Variants in ZFHX3 observed in about 807,000 individuals in gnomAD.
ZFHX3 encodes zinc finger homeobox protein 3.
ZFHX3 carries 42 observed loss-of-function variants against 279.1 expected under a neutral mutation model. That is an observed-to-expected ratio of 0.15 (90% confidence interval 0.12 to 0.19). The LOEUF (loss-of-function observed/expected upper bound fraction) is 0.19. Ranked by LOEUF, ZFHX3 falls within the 10% of genes least tolerant of loss-of-function variation. The pLI is 1.00. For missense variants in ZFHX3, 4,981 were observed against 4,754.0 expected, an observed-to-expected ratio of 1.05 and a Z score of -1.40; for synonymous variants, 2,293 against 1,957.8, an observed-to-expected ratio of 1.17 and a Z score of -4.52.
chr16:73,280,025 C>T (rs1204506075), intron 4 of ZFHX3, among the ~76,000 whole-genome samples: 1 of 152,142 alleles, frequency 6.6e-6, no homozygotes, highest in African/African-American at 2.4e-5. Flanking sequence ...AGGAAAATGA[C>T]AGTCTCTTCA....
At chr16:73,378,829 T>A (rs1382336436) in intron 3 of ZFHX3, among the ~76,000 whole-genome samples, 1 of 152,204 alleles carries the variant, frequency 6.6e-6, no homozygotes, top group African/African-American at 2.4e-5. Flanking sequence ...AAGTGCATTA[T>A]CCCCTTAAAT....
At chr16:73,585,347 C>T (rs1458664332) in intron 2 of ZFHX3, among the ~76,000 whole-genome samples, 3 of 152,100 alleles carry the variant, frequency 2.0e-5, no homozygotes, top group Non-Finnish European at 2.9e-5. Flanking sequence ...ACCCTGGAGG[C>T]GGAGGTTGCA....
chr16:73,337,892 C>G (rs112988457), intron 3 of ZFHX3, among the ~76,000 whole-genome samples: 17,197 of 78,982 alleles, frequency 0.22, 3,067 homozygotes, highest in African/African-American at 0.45. Context: ...CTTCCCTTGG[C>G]GGGGGGGGGG....
At chr16:72,947,438 G>A (rs566298795) in intron 3 of ZFHX3, among the ~76,000 whole-genome samples, 4 of 152,354 alleles carry the variant, frequency 2.6e-5, no homozygotes, top group South Asian at 4.1e-4. Flanking sequence ...ACTAGCATGC[G>A]TGACAGCAAG....
At chr16:73,055,696 G>GCACACACACACACACA (rs200899475) in intron 1 of ZFHX3, among the ~76,000 whole-genome samples, 8 of 94,758 alleles carry the variant, frequency 8.4e-5, no homozygotes, top group East Asian at 2.4e-4. Flanking sequence ...GCGCGCGCGC[G>GCACACACACACACACA]CGCACACACA....
At chr16:73,030,765 A>T (rs1964669858) in intron 1 of ZFHX3, among the ~76,000 whole-genome samples, 1 of 152,200 alleles carries the variant, frequency 6.6e-6, no homozygotes, top group Non-Finnish European at 1.5e-5. Flanking sequence ...GAAGGCTAAT[A>T]TGATACATTT....
intron 7 of ZFHX3, chr16:73,127,379 G>C: frequency 5.4e-6 from 7 of 1,305,460 alleles, no homozygotes; most frequent in Non-Finnish European, 7.1e-6. Flanking sequence ...CTGAATGGCT[G>C]CTAACTAAAT....
At position 73,095,896 on chromosome 16, in the gene ZFHX3, G is replaced by A. The variant is rs188576141; in HGVS notation, c.-896-2298C>T. Among the ~76,000 whole-genome samples, 4 of 152,332 alleles carry A rather than the reference G, an allele frequency of 2.6e-5. No individual in the cohort carries two copies. In the East Asian group the frequency reaches 7.7e-4, roughly 29 times the overall value. On this transcript the variant is annotated intron_variant, in intron 7 of 17. Coordinates refer to the ZFHX3 transcript ENST00000641206. ...TAAACCATTTTCAACAGAGCTGTTA[G>A]GAGCTTCCACTTGTTACAACATTGC...
rs980400504 is a variant in ZFHX3, at chr16:72,788,609, G to A, written c.9667C>T (p.Gln3223Ter). The A allele has an allele frequency of 6.2e-7, 1 of 1,613,626 alleles. No individual in the cohort carries two copies. The highest frequency in any genetic ancestry group is 8.5e-7 in the Non-Finnish European group (1 of 1,179,856). ...TGCTGCTGCTGTTGCAGTGGGAGCT[G>A]TGGTGTGGGTGGCGGCTGGGCTGCT... ...PPAAQPPPTPQLPLQQQQQRK... is the reference protein window; with the variant it reads ...PPAAQPPPTP Residue 3223 changes from glutamine (Q) to a stop codon, truncating the protein, a stop_gained, in exon 10 of 10, where the codon CAG becomes TAG. Coordinates refer to ENST00000268489, the MANE Select transcript of ZFHX3 (RefSeq NM_006885.4). LOFTEE classifies it high-confidence loss of function.
chr16:73,347,071 T>C (rs1333569325), intron 3 of ZFHX3, among the ~76,000 whole-genome samples: 1 of 152,134 alleles, frequency 6.6e-6, no homozygotes, highest in Admixed American at 6.5e-5. Flanking sequence ...GAACCCAGAT[T>C]CAAATCTAGG....
intron 4 of ZFHX3, among the ~76,000 whole-genome samples, chr16:73,313,172 T>C (rs1215502885): frequency 5.3e-5 from 8 of 152,194 alleles, no homozygotes; most frequent in Non-Finnish European, 1.2e-4. Flanking sequence ...TGCTCCGCCA[T>C]ATTAAGACAT....
chr16:73,865,438 C>T (rs1961987744), intron 1 of ZFHX3, among the ~76,000 whole-genome samples: 2 of 152,200 alleles, frequency 1.3e-5, no homozygotes, highest in South Asian at 4.1e-4. Context: ...CTGAAGCCTG[C>T]ACGCCATGTG....
chr16:73,192,412 C>T (rs1175024700), intron 5 of ZFHX3, among the ~76,000 whole-genome samples: 1 of 152,170 alleles, frequency 6.6e-6, no homozygotes, highest in Non-Finnish European at 1.5e-5. Context: ...TCTCCCCTCC[C>T]CGGGACACAA....
intron 3 of ZFHX3, among the ~76,000 whole-genome samples, chr16:73,451,060 T>C (rs376121371): frequency 1.4e-4 from 21 of 152,300 alleles, no homozygotes; most frequent in African/African-American, 3.8e-4. Flanking sequence ...TCATGCTCTG[T>C]GTTCCACTAA....
chr16:72,900,513 T>C (rs1470471613), intron 3 of ZFHX3, among the ~76,000 whole-genome samples: 2 of 152,208 alleles, frequency 1.3e-5, no homozygotes, highest in South Asian at 2.1e-4. Flanking sequence ...CTTCGGAACA[T>C]GTGAAGAACT....
intron 3 of ZFHX3, among the ~76,000 whole-genome samples, chr16:73,378,069 A>AAAAAAC (rs2016755562): frequency 1.4e-5 from 2 of 145,326 alleles, no homozygotes; most frequent in Admixed American, 6.9e-5. Flanking sequence ...AAAAAAAAAA[A>AAAAAAC]TCTTATACAC....
chr16:73,686,484 CTA>C (rs1461365265), intron 1 of ZFHX3, among the ~76,000 whole-genome samples: 1 of 152,138 alleles, frequency 6.6e-6, no homozygotes, highest in African/African-American at 2.4e-5. Flanking sequence ...AAACTTGGAC[CTA>C]TAGTCATGAA....
intron 5 of ZFHX3, among the ~76,000 whole-genome samples, chr16:73,219,786 T>C (rs1255748318): frequency 1.3e-5 from 2 of 152,112 alleles, no homozygotes; most frequent in Non-Finnish European, 2.9e-5. Context: ...AAGACTTCTT[T>C]TGAAAAATAT....
intron 5 of ZFHX3, among the ~76,000 whole-genome samples, chr16:73,215,871 G>A (rs1238494034): frequency 2.0e-5 from 3 of 152,104 alleles, no homozygotes; most frequent in Non-Finnish European, 4.4e-5. Flanking sequence ...GTGTGTGTGT[G>A]CATGGACGTG....
Sources: gnomAD v4.1 joint callset for allele counts (sites outside exome capture counted in the v4.1 genomes callset) on GRCh38, gnomAD v4.1.1 for gene constraint, MANE v1.5 for transcripts, NCBI Gene and HGNC (gene_info 2026-07-23, HGNC 2026-07-21) for gene names.